Variants in GDA observed in about 807,000 individuals in gnomAD.
GDA encodes cytoplasmic PSD-95 interactor.
GDA carries 18 observed loss-of-function variants against 59.6 expected under a neutral mutation model. The observed-to-expected ratio is 0.30, with a 90% CI of 0.21 to 0.45. GDA has a LOEUF of 0.45. Among genes scored for constraint, GDA ranks in the 20% least tolerant of loss-of-function variants. GDA has a pLI of 1.00. For synonymous variants in GDA, 201 were observed against 201.1 expected (o/e 1.00, Z 0.00); for missense variants, 427 against 552.3 (o/e 0.77, Z 2.27).
chr9:72,230,149 C>G (rs532259421), intron 9 of GDA, among the ~76,000 whole-genome samples: 11 of 152,230 alleles, frequency 7.2e-5, no homozygotes, highest in Admixed American at 3.3e-4. Context: ...TTGACCTTTG[C>G]AACTTTTTAG....
At chr9:72,220,013 T>C (rs1836663783) in intron 6 of GDA, among the ~76,000 whole-genome samples, 1 of 152,126 alleles carries the variant, frequency 6.6e-6, no homozygotes, top group South Asian at 2.1e-4. Context: ...AGCCAAGATA[T>C]GGAAACAACT....
chr9:72,242,243 G>A (rs1390058891), intron 11 of GDA, among the ~76,000 whole-genome samples: 2 of 152,042 alleles, frequency 1.3e-5, no homozygotes, highest in Non-Finnish European at 2.9e-5. Flanking sequence ...CCATGCATTT[G>A]GTTCATATAC....
intron 1 of GDA, among the ~76,000 whole-genome samples, chr9:72,160,038 G>C (rs1828416492): frequency 1.3e-5 from 2 of 152,140 alleles, no homozygotes; most frequent in African/African-American, 4.8e-5. Context: ...GGTGGCTCAT[G>C]CCTATAATCC....
intron 6 of GDA, among the ~76,000 whole-genome samples, chr9:72,221,679 A>T (rs1284232234): frequency 6.6e-6 from 1 of 152,164 alleles, no homozygotes; most frequent in Non-Finnish European, 1.5e-5. Context: ...ACTACCCATT[A>T]GTTATTTTTC....
intron 1 of GDA, among the ~76,000 whole-genome samples, chr9:72,185,529 A>C (rs1328342675): frequency 6.6e-6 from 1 of 152,202 alleles, no homozygotes; most frequent in Non-Finnish European, 1.5e-5. Flanking sequence ...TTTGACATGA[A>C]CTGAGCTAAT....
At chr9:72,258,516 CA>C (rs1166876541), downstream of GDA, among the ~76,000 whole-genome samples, 2 of 152,278 alleles carry the variant, frequency 1.3e-5, no homozygotes, top group East Asian at 3.9e-4. Flanking sequence ...CTTAAGTTAC[CA>C]CTGGGGGAGA....
chr9:72,180,011 G>A (rs1161300107), intron 1 of GDA, among the ~76,000 whole-genome samples: 1 of 151,662 alleles, frequency 6.6e-6, no homozygotes, highest in East Asian at 1.9e-4. Context: ...TTAAATTGGG[G>A]TGGGAGGGGA....
chr9:72,116,035 A>G (rs1462512586), intron 1 of GDA, among the ~76,000 whole-genome samples: 3 of 152,122 alleles, frequency 2.0e-5, no homozygotes, highest in African/African-American at 7.2e-5. Flanking sequence ...GGAGTTCGAG[A>G]CCAGCCTGAC....
chr9:72,250,031 A>G lies in GDA; in HGVS notation c.*1689A>G, dbSNP rs936659171. 3 of 965,378 alleles carry G rather than the reference A, an allele frequency of 3.1e-6. No homozygotes were observed. Among genetic ancestry groups the G allele is most frequent in the Admixed American group, 6.2e-5 (1 of 16,234 alleles). 59.8% of individuals were successfully genotyped at this position (965,378 alleles called of 1,614,324 possible). Reference sequence around the variant, plus strand: ...ACAGAGTTTGTTTTGTGAGATAAGTATCTTAGTAAACCCAATTTCCAGTCT... The same window carrying G: ...ACAGAGTTTGTTTTGTGAGATAAGTGTCTTAGTAAACCCAATTTCCAGTCT... On this transcript the variant is annotated 3_prime_UTR_variant, in exon 14 of 14. Transcript: ENST00000358399.
chr9:72,223,032 G>A, intron 6 of GDA, 88 bp from the exon 7 acceptor site: 1 of 739,200 alleles, frequency 1.4e-6, no homozygotes, highest in South Asian at 1.7e-5. Flanking sequence ...ATAGTTTTCG[G>A]TTTTACATTT....
intron 4 of GDA, among the ~76,000 whole-genome samples, chr9:72,213,230 T>C (rs1835611410): frequency 6.6e-6 from 1 of 152,084 alleles, no homozygotes; most frequent in Non-Finnish European, 1.5e-5. Context: ...ATCACGCCAC[T>C]GCACTCCAGG....
chr9:72,157,838 G>T (rs1181459024), intron 1 of GDA, among the ~76,000 whole-genome samples: 1 of 152,128 alleles, frequency 6.6e-6, no homozygotes, highest in African/African-American at 2.4e-5. Context: ...TCATTTATCT[G>T]TCTGGCAAGT....
intron 1 of GDA, among the ~76,000 whole-genome samples, chr9:72,133,761 T>C (rs531071113): frequency 6.6e-6 from 1 of 152,234 alleles, no homozygotes; most frequent in Non-Finnish European, 1.5e-5. Flanking sequence ...TCCACTGTCA[T>C]AGAATACTGC....
At chr9:72,195,631 G>A (rs550560400) in intron 2 of GDA, 43 bp downstream of exon 2, 13 of 795,708 alleles carry the variant, frequency 1.6e-5, no homozygotes, top group East Asian at 1.6e-4. Context: ...CCACTAATAA[G>A]CTTAAATTAT....
chr9:72,233,932 A>G (rs939016518), intron 10 of GDA, among the ~76,000 whole-genome samples: 8 of 152,108 alleles, frequency 5.3e-5, no homozygotes, highest in African/African-American at 1.9e-4. Context: ...ACAGAGTGAG[A>G]CCCTGTCCCT....
Position 72,241,721 on chromosome 9 carries a change from G to A in GDA, c.1135+423G>A, listed in dbSNP as rs139112606. Reference sequence around the variant, plus strand: ...AGCCTGGGCAATGTGACAAAACCCCGTCTCTACAAAAAAATACAAAAATTA... The same window carrying A: ...AGCCTGGGCAATGTGACAAAACCCCATCTCTACAAAAAAATACAAAAATTA... On this transcript the variant is annotated intron_variant, in intron 11 of 13. Coordinates refer to ENST00000358399, the MANE Select transcript of GDA (RefSeq NM_004293.5). Among the ~76,000 whole-genome samples, 170 of 151,964 alleles carry A rather than the reference G, an allele frequency of 1.1e-3. 1 individual carries two copies. The highest frequency in any genetic ancestry group is 3.7e-3 in the African/African-American group (155 of 41,458).
chr9:72,169,218 T>A (rs1829677129), intron 1 of GDA, among the ~76,000 whole-genome samples: 1 of 152,224 alleles, frequency 6.6e-6, no homozygotes, highest in South Asian at 2.1e-4. Context: ...GGGGGAAAGC[T>A]GACTAGTAAT....
chr9:72,154,072 A>C (rs1236864782), intron 1 of GDA, among the ~76,000 whole-genome samples: 1 of 152,206 alleles, frequency 6.6e-6, no homozygotes, highest in Non-Finnish European at 1.5e-5. Flanking sequence ...CACATACATC[A>C]GGGTCAGGTT....
chr9:72,144,479 A>T (rs188252923), upstream of GDA, among the ~76,000 whole-genome samples: 3 of 152,358 alleles, frequency 2.0e-5, no homozygotes, highest in East Asian at 5.8e-4. Flanking sequence ...TATTAGTTCC[A>T]TATAGGTAAG....
Sources: allele counts gnomAD v4.1 joint callset (sites outside exome capture counted in the v4.1 genomes callset), GRCh38; gene constraint gnomAD v4.1.1; transcripts MANE v1.5; gene names NCBI Gene and HGNC (gene_info 2026-07-23, HGNC 2026-07-21).